FBXO42: variants seen among roughly 807,000 people sequenced by gnomAD.
The protein encoded by FBXO42 is F-box protein 42, also known as F-box only protein 42.
A neutral mutation model predicts 71.7 loss-of-function variants in FBXO42; 12 were observed. The observed-to-expected ratio is 0.17, with a 90% CI of 0.11 to 0.27. The LOEUF (loss-of-function observed/expected upper bound fraction) is 0.27, where lower values mean the gene tolerates loss of function less well. Among genes scored for constraint, FBXO42 ranks in the 10% least tolerant of loss-of-function variants. The probability of loss-of-function intolerance (pLI) is 1.00; values close to 1 mark genes in which losing one functional copy is unlikely to be tolerated. For missense variants in FBXO42, 707 were observed against 911.9 expected (o/e 0.78, Z 2.89); for synonymous variants, 325 against 327.5 (o/e 0.99, Z 0.08).
chr1:16,268,226 C>T (rs1028449550), intron 4 of FBXO42, among the ~76,000 whole-genome samples: 2 of 152,112 alleles, frequency 1.3e-5, no homozygotes, highest in South Asian at 4.1e-4. Flanking sequence ...CAGAAAAATC[C>T]TTGTCAGCCC....
chr1:16,298,134 T>C (rs1239334917), intron 3 of FBXO42, among the ~76,000 whole-genome samples: 2 of 145,338 alleles, frequency 1.4e-5, no homozygotes, highest in Admixed American at 6.9e-5. Context: ...GCTGAGGCAG[T>C]AGAATCGCTC....
intron 4 of FBXO42, among the ~76,000 whole-genome samples, chr1:16,269,594 C>T (rs1309993262): frequency 6.6e-6 from 1 of 151,952 alleles, no homozygotes; most frequent in African/African-American, 2.4e-5. Flanking sequence ...GGCGTGATCT[C>T]GGCTCACTGT....
chr1:16,344,469 C>T (rs1238572324), intron 1 of FBXO42, among the ~76,000 whole-genome samples: 1 of 148,148 alleles, frequency 6.8e-6, no homozygotes, highest in Non-Finnish European at 1.5e-5. Context: ...CAGGCACATA[C>T]CACCACACCC....
intron 1 of FBXO42, among the ~76,000 whole-genome samples, chr1:16,346,251 C>T (rs1034943438): frequency 5.9e-5 from 9 of 152,206 alleles, no homozygotes; most frequent in East Asian, 5.8e-4. Context: ...TTTGAAAGTG[C>T]GTTTACCCCC....
intron 4 of FBXO42, among the ~76,000 whole-genome samples, chr1:16,288,015 G>A (rs1053465287): frequency 1.3e-5 from 2 of 151,974 alleles, no homozygotes; most frequent in African/African-American, 4.8e-5. Context: ...GTGTGGTGGT[G>A]GGCGCCTGTA....
intron 4 of FBXO42, among the ~76,000 whole-genome samples, chr1:16,268,842 G>A (rs1011866290): frequency 1.3e-5 from 2 of 151,408 alleles, no homozygotes; most frequent in African/African-American, 2.4e-5. Flanking sequence ...AAAATGAGCT[G>A]GGTGTGGTGG....
At chr1:16,258,443 A>G (rs1264919101) in intron 4 of FBXO42, among the ~76,000 whole-genome samples, 2 of 151,446 alleles carry the variant, frequency 1.3e-5, no homozygotes, top group Non-Finnish European at 2.9e-5. Context: ...TGCAGCCTCA[A>G]CCTCCTGGGC....
chr1:16,309,170 C>T (rs535986361), intron 2 of FBXO42, among the ~76,000 whole-genome samples: 20 of 144,100 alleles, frequency 1.4e-4, no homozygotes, highest in Non-Finnish European at 2.7e-4. Flanking sequence ...CAGATTCAAG[C>T]GATTCTCCTG....
At chr1:16,304,454 C>T (rs1433560182) in intron 3 of FBXO42, among the ~76,000 whole-genome samples, 2 of 151,922 alleles carry the variant, frequency 1.3e-5, no homozygotes, top group Non-Finnish European at 2.9e-5. Flanking sequence ...TTGTCACATT[C>T]AAAATTTTTG....
intron 4 of FBXO42, among the ~76,000 whole-genome samples, chr1:16,276,570 G>C (rs145569918): frequency 6.6e-6 from 1 of 152,240 alleles, no homozygotes; most frequent in Non-Finnish European, 1.5e-5. Flanking sequence ...ATGACTCAGG[G>C]ATAGTATCTT....
At chr1:16,321,143 T>C (rs2082407031) in intron 1 of FBXO42, among the ~76,000 whole-genome samples, 1 of 152,182 alleles carries the variant, frequency 6.6e-6, no homozygotes. Flanking sequence ...ATAGCCAATG[T>C]CAAGCAATTT....
In FBXO42 at chr1:16,329,400, A is replaced by G. The variant is rs554473363; in HGVS notation, c.-17-13965T>C. ...GGAGTTCGAGATCAGCCTGGGCAAC[A>G]GGGTGAAACCCCGTTTCTACTAAAA... is the stretch of plus-strand genomic sequence containing the variant. On this transcript the variant is annotated intron_variant, in intron 1 of 9. Coordinates refer to ENST00000375592, the MANE Select transcript of FBXO42 (RefSeq NM_018994.3). 3.3e-5 allele frequency among the ~76,000 whole-genome samples: 5 copies of G among 152,068 alleles called. No homozygotes were observed. The East Asian group carries it at 9.7e-4, about 29-fold the overall frequency.
intron 2 of FBXO42, among the ~76,000 whole-genome samples, chr1:16,314,656 G>C (rs542772815): frequency 6.6e-6 from 1 of 152,108 alleles, no homozygotes; most frequent in Non-Finnish European, 1.5e-5. Context: ...ACGCTGAGGC[G>C]GGCGGATCAC....
rs190101696 is a variant in FBXO42, at chr1:16,351,289, A to C, written c.-18+966T>G. Among the ~76,000 whole-genome samples the C allele has an allele frequency of 4.6e-5, 7 of 152,310 alleles. No homozygotes were observed. In the East Asian group the frequency reaches 1.3e-3, roughly 29 times the overall value. ...TCCCTACATGACAGAAACACAATCGAAGTCTCCCAATTAGCATTTAAACAG... is the reference window on the plus strand; with the variant it reads ...TCCCTACATGACAGAAACACAATCGCAGTCTCCCAATTAGCATTTAAACAG... On this transcript the variant is annotated intron_variant, in intron 1 of 9. Transcript: ENST00000375592.
chr1:16,334,451 C>A (rs556090727), intron 1 of FBXO42, among the ~76,000 whole-genome samples: 5 of 148,718 alleles, frequency 3.4e-5, no homozygotes, highest in Non-Finnish European at 5.9e-5. Flanking sequence ...CAGACTGATT[C>A]TACAGATAAG....
chr1:16,301,693 A>T (rs534388242), intron 3 of FBXO42, among the ~76,000 whole-genome samples: 2 of 151,134 alleles, frequency 1.3e-5, no homozygotes, highest in Non-Finnish European at 2.9e-5. Flanking sequence ...ACAACAAAAA[A>T]AAAAGAAACG....
chr1:16,274,588 G>GTTTTTT (rs533547281), intron 4 of FBXO42, among the ~76,000 whole-genome samples: 1 of 53,504 alleles, frequency 1.9e-5, no homozygotes. Flanking sequence ...TTATGCCCCC[G>GTTTTTT]TTTTTTTTTT....
At chr1:16,309,180 G>A (rs1185472575) in intron 2 of FBXO42, among the ~76,000 whole-genome samples, 1 of 141,694 alleles carries the variant, frequency 7.1e-6, no homozygotes, top group African/African-American at 2.6e-5. Context: ...CGATTCTCCT[G>A]CCTCAGACTT....
chr1:16,335,723 T>C (rs999663542), intron 1 of FBXO42, among the ~76,000 whole-genome samples: 1 of 151,484 alleles, frequency 6.6e-6, no homozygotes, highest in Non-Finnish European at 1.5e-5. Context: ...AAACATTAGC[T>C]GGGCGTGGTC....
Sources: gnomAD v4.1 joint callset for allele counts (sites outside exome capture counted in the v4.1 genomes callset) on GRCh38, gnomAD v4.1.1 for gene constraint, MANE v1.5 for transcripts, NCBI Gene and HGNC (gene_info 2026-07-23, HGNC 2026-07-21) for gene names.